TMEM117: variants seen among roughly 807,000 people sequenced by gnomAD.
The protein encoded by TMEM117 is transmembrane protein 117.
Under a neutral mutation model 52.4 loss-of-function variants are expected in TMEM117, and 27 were observed. The ratio of observed to expected loss-of-function variants is 0.51; its 90% CI spans 0.38 to 0.71. The LOEUF is 0.71. Ranked by LOEUF, TMEM117 falls within the 30% of genes least tolerant of loss-of-function variation. TMEM117 has a pLI of 0.00. For synonymous variants in TMEM117, 215 were observed against 206.3 expected (o/e 1.04, Z -0.36); for missense variants, 556 against 630.5 (o/e 0.88, Z 1.26).
intron 5 of TMEM117, among the ~76,000 whole-genome samples, chr12:44,228,558 A>T (rs1949892788): frequency 6.6e-6 from 1 of 152,162 alleles, no homozygotes; most frequent in Non-Finnish European, 1.5e-5. Flanking sequence ...TGTCATAAAG[A>T]AGATAAAGCA....
At chr12:44,364,123 C>A (rs979227343) in intron 6 of TMEM117, among the ~76,000 whole-genome samples, 2 of 152,088 alleles carry the variant, frequency 1.3e-5, no homozygotes, top group African/African-American at 4.8e-5. Flanking sequence ...TGGCAACTGG[C>A]AAATGTAATA....
chr12:44,213,469 T>C (rs1949673779), intron 5 of TMEM117, among the ~76,000 whole-genome samples: 1 of 152,226 alleles, frequency 6.6e-6, no homozygotes, highest in Admixed American at 6.5e-5. Flanking sequence ...CAAATGTGTT[T>C]ATGGATGGTC....
intron 3 of TMEM117, among the ~76,000 whole-genome samples, chr12:43,947,908 C>A (rs1945159117): frequency 6.6e-6 from 1 of 152,086 alleles, no homozygotes; most frequent in Admixed American, 6.6e-5. Flanking sequence ...GACTGGTCTG[C>A]ATTTTGTGTG....
At chr12:44,245,447 T>A (rs1950116716) in intron 5 of TMEM117, among the ~76,000 whole-genome samples, 1 of 152,068 alleles carries the variant, frequency 6.6e-6, no homozygotes. Flanking sequence ...AGCATTTTAA[T>A]TTTTGATGCT....
At chr12:44,094,048 G>A (rs998987742) in intron 3 of TMEM117, among the ~76,000 whole-genome samples, 1 of 143,102 alleles carries the variant, frequency 7.0e-6, no homozygotes, top group African/African-American at 2.9e-5. Flanking sequence ...ATCTACTTTA[G>A]CTGTGTCCCT....
At chr12:43,889,373 GA>G (rs1944060470) in intron 2 of TMEM117, among the ~76,000 whole-genome samples, 1 of 152,154 alleles carries the variant, frequency 6.6e-6, no homozygotes, top group African/African-American at 2.4e-5. Flanking sequence ...GTGAGCCACC[GA>G]GCCTGGCCTG....
At chr12:44,285,497 A>T (rs541659433) in intron 5 of TMEM117, among the ~76,000 whole-genome samples, 26 of 152,272 alleles carry the variant, frequency 1.7e-4, no homozygotes, top group Non-Finnish European at 3.5e-4. Flanking sequence ...CCATATGGAG[A>T]AGCTGTACTC....
chr12:44,105,996 G>C lies in TMEM117; in HGVS notation c.411-37529G>C, dbSNP rs376143480. On this transcript the variant is annotated intron_variant, in intron 3 of 7. Coordinates refer to ENST00000266534, the MANE Select transcript of TMEM117 (RefSeq NM_032256.3). ...CTCCCTGTGGAGATTTTAACTCTCAGATGTGTCCATACCGAGCCTCTAGCA... is the reference window on the plus strand; with the variant it reads ...CTCCCTGTGGAGATTTTAACTCTCACATGTGTCCATACCGAGCCTCTAGCA... 3.2e-4 allele frequency among the ~76,000 whole-genome samples: 49 copies of C among 152,116 alleles called. No individual in the cohort carries two copies. In the South Asian group the frequency reaches 9.1e-3, roughly 28 times the overall value.
intron 5 of TMEM117, among the ~76,000 whole-genome samples, chr12:44,265,329 G>A (rs1266083470): frequency 7.1e-6 from 1 of 141,564 alleles, no homozygotes; most frequent in Non-Finnish European, 1.6e-5. Context: ...GGCTAAGGTA[G>A]GGTATTCGGA....
intron 6 of TMEM117, among the ~76,000 whole-genome samples, chr12:44,365,547 G>C (rs1327807158): frequency 6.6e-6 from 1 of 151,918 alleles, no homozygotes; most frequent in Non-Finnish European, 1.5e-5. Context: ...TGCAGCATTG[G>C]ACAAGCTATT....
intron 3 of TMEM117, among the ~76,000 whole-genome samples, chr12:43,974,547 G>A (rs79984873): frequency 2.6e-5 from 4 of 152,060 alleles, no homozygotes; most frequent in African/African-American, 7.2e-5. Flanking sequence ...ACTTTAGATC[G>A]GTTAACACCT....
At chr12:44,158,433 C>A (rs531524748) in intron 4 of TMEM117, among the ~76,000 whole-genome samples, 1 of 152,252 alleles carries the variant, frequency 6.6e-6, no homozygotes, top group East Asian at 1.9e-4. Context: ...ATATTTCAGT[C>A]CTGTTCCTTT....
chr12:43,987,618 CA>C (rs1487034279), intron 3 of TMEM117, among the ~76,000 whole-genome samples: 1 of 151,272 alleles, frequency 6.6e-6, no homozygotes. Flanking sequence ...ATCTAATGGA[CA>C]AAAAATTGAG....
Position 44,010,527 on chromosome 12 carries a change from C to T in TMEM117, c.410+66185C>T, listed in dbSNP as rs1278069593. Among the ~76,000 whole-genome samples, 7 of 152,024 alleles carry T rather than the reference C, an allele frequency of 4.6e-5. No homozygotes were observed. In the East Asian group the frequency reaches 1.2e-3, roughly 25 times the overall value. On this transcript the variant is annotated intron_variant, in intron 3 of 7. Coordinates refer to ENST00000266534, the MANE Select transcript of TMEM117 (RefSeq NM_032256.3). Reference sequence around the variant, plus strand: ...CCCAGATTCACTATTCCTCGGTCGACGTCTGTCTATTTTCTCTTTATTGCG... The same window carrying T: ...CCCAGATTCACTATTCCTCGGTCGATGTCTGTCTATTTTCTCTTTATTGCG...
chr12:43,878,208 C>T (rs1380349276), intron 2 of TMEM117, among the ~76,000 whole-genome samples: 1 of 152,094 alleles, frequency 6.6e-6, no homozygotes, highest in Admixed American at 6.6e-5. Context: ...TAGACAGCTT[C>T]CTGTAGTTCT....
chr12:43,930,046 G>T (rs1231392715), intron 2 of TMEM117, among the ~76,000 whole-genome samples: 1 of 152,022 alleles, frequency 6.6e-6, no homozygotes, highest in East Asian at 1.9e-4. Context: ...ATTTTCTTCT[G>T]GTCTGTAGAT....
intron 3 of TMEM117, among the ~76,000 whole-genome samples, chr12:43,985,540 G>A (rs1592416051): frequency 6.6e-6 from 1 of 152,030 alleles, no homozygotes; most frequent in South Asian, 2.1e-4. Flanking sequence ...CATTTAAAAA[G>A]TGCTTGCAAA....
chr12:43,979,201 C>T (rs1403538282), intron 3 of TMEM117, among the ~76,000 whole-genome samples: 3 of 151,604 alleles, frequency 2.0e-5, no homozygotes, highest in South Asian at 2.1e-4. Flanking sequence ...TCTTATTGAC[C>T]AGGAAGTTAA....
At chr12:43,825,396 A>G in the TMEM117 span, among the ~76,000 whole-genome samples, 2 of 152,174 alleles carry the variant, frequency 1.3e-5, no homozygotes, top group African/African-American at 4.8e-5. Context: ...ACTCACTTAA[A>G]AGGTGGTATG....
Sources: gnomAD v4.1 joint callset for allele counts (sites outside exome capture counted in the v4.1 genomes callset) on GRCh38, gnomAD v4.1.1 for gene constraint, MANE v1.5 for transcripts, NCBI Gene and HGNC (gene_info 2026-07-23, HGNC 2026-07-21) for gene names.